NRG3: variants seen among roughly 807,000 people sequenced by gnomAD.
NRG3 encodes pro-neuregulin-3, membrane-bound isoform.
Under a neutral mutation model 66.9 loss-of-function variants are expected in NRG3, and 31 were observed. The ratio of observed to expected loss-of-function variants is 0.46; its 90% CI spans 0.35 to 0.63. The LOEUF (loss-of-function observed/expected upper bound fraction) is 0.63, where lower values mean the gene tolerates loss of function less well. Ranked by LOEUF, NRG3 falls within the 20% of genes least tolerant of loss-of-function variation. The probability of loss-of-function intolerance (pLI) is 0.00; values close to 1 mark genes in which losing one functional copy is unlikely to be tolerated. For missense variants in NRG3, 910 were observed against 878.9 expected (o/e 1.04, Z -0.45); for synonymous variants, 393 against 359.4 (o/e 1.09, Z -1.06).
chr10:82,381,657 C>T (rs184940416), intron 2 of NRG3, among the ~76,000 whole-genome samples: 1 of 152,156 alleles, frequency 6.6e-6, no homozygotes, highest in African/African-American at 2.4e-5. Flanking sequence ...TCTTAATAAA[C>T]TTTTCTCATA....
intron 1 of NRG3, among the ~76,000 whole-genome samples, chr10:82,137,072 G>A (rs1171557166): frequency 6.6e-6 from 1 of 152,156 alleles, no homozygotes; most frequent in African/African-American, 2.4e-5. Context: ...TGTGTGGATA[G>A]TTGTTCAATT....
intron 1 of NRG3, among the ~76,000 whole-genome samples, chr10:82,235,866 C>A (rs2076726716): frequency 6.6e-6 from 1 of 152,146 alleles, no homozygotes; most frequent in Non-Finnish European, 1.5e-5. Context: ...AATGAGTCCG[C>A]ATTATGCCTC....
intron 2 of NRG3, among the ~76,000 whole-genome samples, chr10:82,384,396 C>A (rs2085837318): frequency 6.6e-6 from 1 of 152,122 alleles, no homozygotes; most frequent in South Asian, 2.1e-4. Flanking sequence ...ACCCAGAATC[C>A]ATTAGCTATT....
chr10:82,917,508 G>A (rs955879415), intron 4 of NRG3, among the ~76,000 whole-genome samples: 2 of 152,264 alleles, frequency 1.3e-5, no homozygotes, highest in South Asian at 2.1e-4. Context: ...TTAACCTGTA[G>A]CAGGTGGCAC....
At chr10:81,882,629 C>T (rs924450887) in intron 1 of NRG3, among the ~76,000 whole-genome samples, 23 of 152,184 alleles carry the variant, frequency 1.5e-4, no homozygotes, top group African/African-American at 5.5e-4. Flanking sequence ...GAAAAACAAT[C>T]ACTGTTTTTA....
chr10:82,801,245 T>G (rs2061023676), intron 3 of NRG3, among the ~76,000 whole-genome samples: 1 of 152,168 alleles, frequency 6.6e-6, no homozygotes, highest in South Asian at 2.1e-4. Flanking sequence ...CCACCATGTT[T>G]AATCTCAGGA....
At chr10:82,559,061 A>G (rs1180872622) in intron 2 of NRG3, among the ~76,000 whole-genome samples, 1 of 152,168 alleles carries the variant, frequency 6.6e-6, no homozygotes, top group East Asian at 1.9e-4. Context: ...GCATATGCAT[A>G]TTTTTGTATG....
chr10:82,936,973 G>A (rs1848132683), intron 4 of NRG3, among the ~76,000 whole-genome samples: 1 of 151,990 alleles, frequency 6.6e-6, no homozygotes, highest in Non-Finnish European at 1.5e-5. Flanking sequence ...AATATTATCA[G>A]CACTGATATT....
chr10:82,228,359 AC>A (rs1040674057), intron 1 of NRG3, among the ~76,000 whole-genome samples: 72 of 152,276 alleles, frequency 4.7e-4, no homozygotes, highest in African/African-American at 1.7e-3. Context: ...CATTAGGGAT[AC>A]AGCATTATGA....
intron 1 of NRG3, among the ~76,000 whole-genome samples, chr10:82,301,348 T>A (rs2080390192): frequency 6.6e-6 from 1 of 152,216 alleles, no homozygotes; most frequent in Non-Finnish European, 1.5e-5. Flanking sequence ...ATGTCTCTAT[T>A]TGAAGAACTA....
intron 4 of NRG3, among the ~76,000 whole-genome samples, chr10:82,875,459 G>C (rs1841728969): frequency 6.6e-6 from 1 of 152,138 alleles, no homozygotes; most frequent in African/African-American, 2.4e-5. Context: ...CCAGGCTCAA[G>C]TCTTCTTCCC....
At chr10:82,322,849 ATGC>A (rs1462076104) in intron 1 of NRG3, among the ~76,000 whole-genome samples, 1 of 152,160 alleles carries the variant, frequency 6.6e-6, no homozygotes, top group African/African-American at 2.4e-5. Context: ...TTTACATTTG[ATGC>A]TATTTGATAT....
intron 1 of NRG3, among the ~76,000 whole-genome samples, chr10:81,964,513 A>G (rs1376289201): frequency 2.6e-5 from 4 of 152,068 alleles, no homozygotes; most frequent in Admixed American, 1.3e-4. Context: ...CTCTTCCCCT[A>G]CAGATGAACG....
At chr10:81,982,765 A>AT (rs1275758502) in intron 1 of NRG3, among the ~76,000 whole-genome samples, 1 of 152,184 alleles carries the variant, frequency 6.6e-6, no homozygotes, top group East Asian at 1.9e-4. Context: ...TAAGAGCCTC[A>AT]TTTTTACTTA....
intron 1 of NRG3, among the ~76,000 whole-genome samples, chr10:82,059,344 G>T (rs911225134): frequency 2.6e-5 from 4 of 152,148 alleles, no homozygotes; most frequent in Non-Finnish European, 5.9e-5. Flanking sequence ...AGTAAATGTG[G>T]AAGGACACAG....
chr10:82,570,343 T>C (rs2045653518), intron 2 of NRG3, among the ~76,000 whole-genome samples: 1 of 151,694 alleles, frequency 6.6e-6, no homozygotes, highest in East Asian at 1.9e-4. Context: ...CAATTTTGTC[T>C]TGCGAATACT....
intron 1 of NRG3, among the ~76,000 whole-genome samples, chr10:82,071,953 C>G (rs1329033527): frequency 2.0e-5 from 3 of 152,060 alleles, no homozygotes; most frequent in Non-Finnish European, 2.9e-5. Context: ...ATTCAAAAGT[C>G]AAAATTATTT....
intron 1 of NRG3, among the ~76,000 whole-genome samples, chr10:82,048,661 C>T (rs4408256): frequency 0.89 from 134,045 of 151,086 alleles, 60,626 homozygotes; most frequent in South Asian, 0.99. Context: ...AGATCCAAAA[C>T]TGACACCCTA....
chr10:82,089,565 C>T (rs892981730), intron 1 of NRG3, among the ~76,000 whole-genome samples: 2 of 152,168 alleles, frequency 1.3e-5, no homozygotes, highest in African/African-American at 4.8e-5. Flanking sequence ...AGGAGCAAAC[C>T]TCTGTTCATT....
Sources: gnomAD v4.1 joint callset for allele counts (sites outside exome capture counted in the v4.1 genomes callset) on GRCh38, gnomAD v4.1.1 for gene constraint, MANE v1.5 for transcripts, NCBI Gene and HGNC (gene_info 2026-07-23, HGNC 2026-07-21) for gene names.